DCAF1: variants seen among roughly 807,000 people sequenced by gnomAD.
DCAF1 encodes the protein DDB1 and CUL4 associated factor 1.
A neutral mutation model predicts 128.0 loss-of-function variants in DCAF1; 15 were observed. That is an observed-to-expected ratio of 0.12 (90% CI 0.08 to 0.18). The LOEUF (loss-of-function observed/expected upper bound fraction) is 0.18, where lower values mean the gene tolerates loss of function less well. DCAF1 is among the 10% of genes least tolerant of loss of function. The probability of loss-of-function intolerance (pLI) is 1.00; values close to 1 mark genes in which losing one functional copy is unlikely to be tolerated. For missense variants in DCAF1, 988 were observed against 1,649.5 expected (o/e 0.60, Z 6.95); for synonymous variants, 610 against 603.0 (o/e 1.01, Z -0.17).
intron 6 of DCAF1, among the ~76,000 whole-genome samples, chr3:51,459,738 C>A (rs1275328789): frequency 1.3e-5 from 2 of 152,200 alleles, no homozygotes; most frequent in African/African-American, 4.8e-5. Context: ...CCCTGGGATG[C>A]AAGGCTGGTT....
In DCAF1 at chr3:51,441,538, A is replaced by C; in HGVS notation, c.873T>G (p.Asp291Glu). The change falls in exon 8 of 25, where the codon GAT becomes GAG. Residue 291 changes from aspartate to glutamate, a missense_variant. Asp to Glu is a conservative substitution (Grantham distance 45). Coordinates refer to ENST00000684031, the MANE Select transcript of DCAF1 (RefSeq NM_001387579.1). ...ACAGCTCAACAAACATGCGATCTGGATCAGAAGATGAGAAACCCAACTTTT... is the reference window on the plus strand; with the variant it reads ...ACAGCTCAACAAACATGCGATCTGGCTCAGAAGATGAGAAACCCAACTTTT... ...AKQKLGFSSS[D>E]PDRMFVELSN... The C allele has an allele frequency of 1.2e-6, 2 of 1,613,994 alleles. No homozygotes were observed. Among genetic ancestry groups the C allele is most frequent in the African/African-American group, 1.3e-5 (1 of 75,048 alleles).
chr3:51,444,391 C>T (rs1395282420), intron 6 of DCAF1, among the ~76,000 whole-genome samples: 1 of 152,062 alleles, frequency 6.6e-6, no homozygotes, highest in Non-Finnish European at 1.5e-5. Context: ...CACTCTGTCG[C>T]CCAGGCTGGA....
intron 6 of DCAF1, among the ~76,000 whole-genome samples, chr3:51,456,241 G>A (rs147715078): frequency 0.049 from 7,520 of 152,248 alleles, 255 homozygotes; most frequent in Middle Eastern, 0.078. Flanking sequence ...CTTAAAAAAC[G>A]GCACACCAGG....
Position 51,419,917 on chromosome 3 carries a change from C to T in DCAF1, c.3053G>A (p.Arg1018His). ...ITEYLREQHA[R>H]CKNPVATCPP... ...GCAGGTGGCAACTGGATTCTTGCAG[C>T]GAGCATGTTGTTCTCTAAGATACTC... Residue 1018 changes from arginine to histidine, a missense_variant, in exon 15 of 25, where the codon CGC becomes CAC. Physicochemically the swap from Arg to His is conservative, Grantham distance 29. Around this residue, in one of 11 missense-constraint regions of DCAF1, gnomAD observed 105 missense variants for 266.7 expected, o/e 0.39. Transcript: ENST00000684031. The T allele has an allele frequency of 6.2e-7, 1 of 1,613,952 alleles. No homozygotes were observed. The highest frequency in any genetic ancestry group is 8.5e-7 in the Non-Finnish European group (1 of 1,179,890).
intron 10 of DCAF1, among the ~76,000 whole-genome samples, chr3:51,431,367 A>G (rs565339210): frequency 6.6e-6 from 1 of 151,478 alleles, no homozygotes; most frequent in Non-Finnish European, 1.5e-5. Context: ...AAAAAAAAAA[A>G]AAATTAGCCA....
At chr3:51,453,723 C>T (rs782782938) in intron 6 of DCAF1, among the ~76,000 whole-genome samples, 22 of 152,240 alleles carry the variant, frequency 1.4e-4, no homozygotes, top group East Asian at 3.9e-4. Context: ...GAGGCCAAGG[C>T]GGGCAGATCA....
At chr3:51,479,065 A>C (rs1553651702) in intron 3 of DCAF1, among the ~76,000 whole-genome samples, 1 of 152,178 alleles carries the variant, frequency 6.6e-6, no homozygotes, top group Non-Finnish European at 1.5e-5. Context: ...TTCTCCTTAG[A>C]AAACCCATGA....
intron 2 of DCAF1, among the ~76,000 whole-genome samples, chr3:51,485,212 GCT>G (rs1404003370): frequency 3.9e-5 from 6 of 152,324 alleles, no homozygotes; most frequent in African/African-American, 1.4e-4. Flanking sequence ...ACCGCGCCCA[GCT>G]CTGTTAATTC....
chr3:51,436,798 GA>G (rs1480843399), intron 9 of DCAF1, among the ~76,000 whole-genome samples: 2 of 152,168 alleles, frequency 1.3e-5, no homozygotes, highest in African/African-American at 2.4e-5. Flanking sequence ...CACTTGTGGG[GA>G]AAGAACGTAA....
intron 6 of DCAF1, among the ~76,000 whole-genome samples, chr3:51,450,496 G>A (rs1205755675): frequency 2.0e-5 from 3 of 152,148 alleles, no homozygotes; most frequent in African/African-American, 7.2e-5. Flanking sequence ...CCAAAAAAAT[G>A]TTGACAAGTC....
intron 13 of DCAF1, among the ~76,000 whole-genome samples, chr3:51,425,559 C>CT (rs782117372): frequency 0.095 from 9,177 of 96,790 alleles, 1,435 homozygotes; most frequent in African/African-American, 0.2. Context: ...AAGCTGTCAT[C>CT]TTTTTTTTTT....
Position 51,470,926 on chromosome 3 carries a change from T to C in DCAF1, c.187+3A>G. On this transcript the variant is annotated splice_donor_region_variant and intron_variant, in intron 4 of 24. Transcript: ENST00000684031. ...GACCCACACTTAAGAGCACAAATCT[T>C]ACCAGGATGTCGATCATCAAATGGG... 1 of 1,588,778 alleles carries C rather than the reference T, an allele frequency of 6.3e-7. No homozygotes were observed. The highest frequency in any genetic ancestry group is 2.2e-5 in the East Asian group (1 of 44,662).
chr3:51,492,071 C>T (rs555256340), intron 2 of DCAF1, among the ~76,000 whole-genome samples: 5 of 148,956 alleles, frequency 3.4e-5, no homozygotes, highest in Non-Finnish European at 5.9e-5. Flanking sequence ...GGAGGGGAAT[C>T]GCTTGAACCT....
chr3:51,404,766 A>AAC (rs539788288), intron 23 of DCAF1, among the ~76,000 whole-genome samples: 42 of 152,246 alleles, frequency 2.8e-4, no homozygotes, highest in African/African-American at 8.7e-4. Context: ...TGTATGTGCC[A>AAC]ACACACACAC....
chr3:51,453,060 A>T (rs1213451744), intron 6 of DCAF1, among the ~76,000 whole-genome samples: 1 of 151,910 alleles, frequency 6.6e-6, no homozygotes, highest in Non-Finnish European at 1.5e-5. Flanking sequence ...CCTTGTGTAT[A>T]CAAATATATT....
At chr3:51,429,104 A>G (rs1255993038) in intron 12 of DCAF1, among the ~76,000 whole-genome samples, 157 bp downstream of exon 12, 1 of 152,168 alleles carries the variant, frequency 6.6e-6, no homozygotes, top group African/African-American at 2.4e-5. Context: ...AAATTCACCT[A>G]TTACATCCAT....
chr3:51,403,647 G>C (rs1294431643), intron 23 of DCAF1, among the ~76,000 whole-genome samples: 3 of 152,202 alleles, frequency 2.0e-5, no homozygotes, highest in Non-Finnish European at 4.4e-5. Flanking sequence ...CAAGGAAACA[G>C]ACAACTCGCT....
intron 2 of DCAF1, among the ~76,000 whole-genome samples, chr3:51,492,685 T>C (rs1034873575): frequency 6.6e-6 from 1 of 152,128 alleles, no homozygotes; most frequent in Non-Finnish European, 1.5e-5. Flanking sequence ...CTGGAACACA[T>C]ATTGCTTGTA....
chr3:51,415,036 C>T (rs577989420), intron 18 of DCAF1, among the ~76,000 whole-genome samples, 179 bp from the exon 19 acceptor site: 1 of 151,778 alleles, frequency 6.6e-6, no homozygotes, highest in Non-Finnish European at 1.5e-5. Context: ...CCACCGCACC[C>T]GGCCAGGCAC....
Sources: allele counts gnomAD v4.1 joint callset (sites outside exome capture counted in the v4.1 genomes callset), GRCh38; gene constraint gnomAD v4.1.1; regional missense constraint gnomAD v4.1.1; transcripts MANE v1.5; gene names NCBI Gene and HGNC (gene_info 2026-07-23, HGNC 2026-07-21).